Variants in OPCML observed in about 807,000 individuals in gnomAD.
The protein encoded by OPCML is opioid binding protein/cell adhesion molecule like.
In OPCML, 13 loss-of-function variants were observed where a neutral mutation model predicts 37.8. The observed-to-expected ratio is 0.34, with a 90% CI of 0.22 to 0.55. OPCML has a LOEUF of 0.55. Ranked by LOEUF, OPCML falls within the 20% of genes least tolerant of loss-of-function variation. The pLI is 0.91. For missense variants in OPCML, 341 were observed against 435.6 expected (o/e 0.78, Z 1.93); for synonymous variants, 176 against 168.8 (o/e 1.04, Z -0.33).
intron 1 of OPCML, among the ~76,000 whole-genome samples, chr11:133,034,260 A>G (rs1947727482): frequency 6.6e-6 from 1 of 151,292 alleles, no homozygotes; most frequent in Non-Finnish European, 1.5e-5. Context: ...GCAGCTACCC[A>G]AAGGCCAGTG....
At chr11:132,871,800 T>A (rs922051807) in intron 2 of OPCML, among the ~76,000 whole-genome samples, 1 of 152,182 alleles carries the variant, frequency 6.6e-6, no homozygotes, top group Non-Finnish European at 1.5e-5. Context: ...TCCAGAAGAG[T>A]AATCATTCTC....
intron 1 of OPCML, among the ~76,000 whole-genome samples, chr11:133,272,213 G>T (rs76261838): frequency 0.012 from 1,706 of 145,418 alleles, 31 homozygotes; most frequent in African/African-American, 0.039. Flanking sequence ...ATTGAAAGTT[G>T]AAGTGGTCTT....
chr11:132,733,727 GA>G, intron 2 of OPCML, among the ~76,000 whole-genome samples: 1 of 152,252 alleles, frequency 6.6e-6, no homozygotes, highest in East Asian at 1.9e-4. Context: ...AAGTGTTGTG[GA>G]AAACACAAAG....
chr11:133,081,785 A>G (rs1233982032), intron 1 of OPCML, among the ~76,000 whole-genome samples: 1 of 152,102 alleles, frequency 6.6e-6, no homozygotes, highest in Non-Finnish European at 1.5e-5. Flanking sequence ...GGCCACAGTA[A>G]ACATCCAGCC....
At chr11:132,959,598 T>G (rs945539694) in intron 1 of OPCML, among the ~76,000 whole-genome samples, 1 of 151,748 alleles carries the variant, frequency 6.6e-6, no homozygotes, top group Non-Finnish European at 1.5e-5. Flanking sequence ...GAAAAGAAAG[T>G]GGAATGCAGA....
intron 2 of OPCML, among the ~76,000 whole-genome samples, chr11:132,911,225 AT>A (rs1944418364): frequency 6.6e-6 from 1 of 152,236 alleles, no homozygotes; most frequent in Admixed American, 6.5e-5. Context: ...TTTGCGAAGA[AT>A]TTCAAGAGAA....
chr11:132,860,730 G>T (rs955388297), intron 2 of OPCML: 2 of 152,128 alleles, frequency 1.3e-5, no homozygotes, highest in Non-Finnish European at 2.9e-5. Context: ...CTGTTTGAAC[G>T]CTTGGGGACA....
At chr11:132,810,199 GCAGCCATACC>G (rs907696189) in intron 2 of OPCML, among the ~76,000 whole-genome samples, 6 of 152,164 alleles carry the variant, frequency 3.9e-5, no homozygotes, top group African/African-American at 1.4e-4. Context: ...CTTTGTGTAG[GCAGCCATACC>G]TGCCTGAAAG....
intron 2 of OPCML, among the ~76,000 whole-genome samples, chr11:132,657,876 A>G (rs1941782058): frequency 1.3e-5 from 2 of 152,230 alleles, no homozygotes; most frequent in Admixed American, 6.5e-5. Context: ...TAGAAAGCCA[A>G]CACTTCTTGA....
At chr11:132,479,727 A>C (rs374936414) in intron 4 of OPCML, among the ~76,000 whole-genome samples, 1 of 152,158 alleles carries the variant, frequency 6.6e-6, no homozygotes, top group South Asian at 2.1e-4. Flanking sequence ...CCTGACCCCC[A>C]AGCAGCCTAA....
At chr11:133,207,214 G>A (rs1028130172) in intron 1 of OPCML, among the ~76,000 whole-genome samples, 2 of 151,872 alleles carry the variant, frequency 1.3e-5, no homozygotes, top group Non-Finnish European at 2.9e-5. Context: ...GCAGGAGAAT[G>A]GCGTGAACCC....
intron 3 of OPCML, among the ~76,000 whole-genome samples, chr11:132,625,385 C>T (rs1016462148): frequency 1.5e-4 from 23 of 152,228 alleles, no homozygotes; most frequent in African/African-American, 5.5e-4. Context: ...CTTGTTGACT[C>T]CTGTCACCTC....
chr11:132,985,145 C>T (rs925530066), intron 1 of OPCML, among the ~76,000 whole-genome samples: 2 of 152,166 alleles, frequency 1.3e-5, no homozygotes, highest in African/African-American at 4.8e-5. Context: ...GTGTTCAATT[C>T]TTATTGTTAT....
At chr11:132,861,838 T>TAAA (rs58457650) in intron 2 of OPCML, among the ~76,000 whole-genome samples, 1 of 94,370 alleles carries the variant, frequency 1.1e-5, no homozygotes, top group Non-Finnish European at 2.3e-5. Context: ...CCATCTCAAA[T>TAAA]AAAAAAAAAA....
At chr11:133,018,504 C>T (rs1474409549) in intron 1 of OPCML, among the ~76,000 whole-genome samples, 1 of 152,174 alleles carries the variant, frequency 6.6e-6, no homozygotes, top group Non-Finnish European at 1.5e-5. Context: ...CCAAAATGCA[C>T]ATCAATTCAG....
At chr11:132,636,627 G>A (rs962999601) in intron 3 of OPCML, among the ~76,000 whole-genome samples, 9 of 152,146 alleles carry the variant, frequency 5.9e-5, no homozygotes, top group Admixed American at 5.2e-4. Flanking sequence ...CTAAATTAAG[G>A]CTACAGAACT....
At chr11:133,117,670 G>T in intron 1 of OPCML, 2 of 482,044 alleles carry the variant, frequency 4.1e-6, no homozygotes, top group Non-Finnish European at 5.4e-6. Flanking sequence ...ACTTGCCCTT[G>T]GGCTCAGAGT....
At chr11:132,981,497 C>T (rs767324875) in intron 1 of OPCML, among the ~76,000 whole-genome samples, 7 of 152,086 alleles carry the variant, frequency 4.6e-5, no homozygotes, top group Non-Finnish European at 8.8e-5. Flanking sequence ...GGGAAAGGGC[C>T]TGAGGGAGGA....
intron 3 of OPCML, among the ~76,000 whole-genome samples, chr11:132,572,230 A>T (rs1047348298): frequency 1.3e-5 from 2 of 151,504 alleles, no homozygotes; most frequent in African/African-American, 4.9e-5. Flanking sequence ...TTGCCTGTTT[A>T]TGTGATTGAT....
Sources: gnomAD v4.1 joint callset for allele counts (sites outside exome capture counted in the v4.1 genomes callset) on GRCh38, gnomAD v4.1.1 for gene constraint, MANE v1.5 for transcripts, NCBI Gene and HGNC (gene_info 2026-07-23, HGNC 2026-07-21) for gene names.